The following COL4A3 variants were observed in gnomAD, a reference collection of about 807,000 sequenced individuals.
COL4A3 encodes collagen type IV alpha 3 chain, also known as collagen alpha-3(IV) chain.
In COL4A3, 135 loss-of-function variants were observed where a neutral mutation model predicts 217.4. The observed-to-expected ratio is 0.62, with a 90% confidence interval of 0.54 to 0.72. The LOEUF is 0.72. Among genes scored for constraint, COL4A3 ranks in the 30% least tolerant of loss-of-function variants. The pLI is 0.00. For missense variants in COL4A3, 1,868 were observed against 2,119.9 expected (o/e 0.88, Z 2.33); for synonymous variants, 690 against 736.3 (o/e 0.94, Z 1.02).
chr2:227,270,693 G>GTTTT, intron 24 of COL4A3, 77 bp from the exon 25 acceptor site: 1 of 1,435,730 alleles, frequency 7.0e-7, no homozygotes, highest in African/African-American at 1.4e-5. Context: ...AAAAGTTCTT[G>GTTTT]TCCACACTGT....
At position 227,297,661 on chromosome 2, in the gene COL4A3, T is replaced by C; in HGVS notation, c.3566-13T>C. 1 of 1,601,294 alleles carries C rather than the reference T, an allele frequency of 6.2e-7. No homozygotes were observed. Among genetic ancestry groups the C allele is most frequent in the Non-Finnish European group, 8.5e-7 (1 of 1,174,902 alleles). ...GGGCATTAAAGAAACTTATTAAGCC[T>C]TCTTCTTTGCAGGAGCCAAAGGAGA... is the stretch of plus-strand genomic sequence containing the variant. On this transcript the variant is annotated splice_polypyrimidine_tract_variant and intron_variant, in intron 41 of 51. Coordinates refer to ENST00000396578, the MANE Select transcript of COL4A3 (RefSeq NM_000091.5).
chr2:227,210,483 A>G (rs1315159255), intron 1 of COL4A3, among the ~76,000 whole-genome samples: 3 of 151,314 alleles, frequency 2.0e-5, no homozygotes, highest in African/African-American at 4.9e-5. Flanking sequence ...CCAGCTACTC[A>G]GGAGGCTGAG....
At chr2:227,295,371 G>A in intron 41 of COL4A3, 55 bp downstream of exon 41, 2 of 1,459,898 alleles carry the variant, frequency 1.4e-6, no homozygotes, top group Non-Finnish European at 1.9e-6. Context: ...AGAGAAAGCA[G>A]TTGAATATGC....
At chr2:227,209,806 C>A (rs548693882) in intron 1 of COL4A3, among the ~76,000 whole-genome samples, 1 of 152,126 alleles carries the variant, frequency 6.6e-6, no homozygotes. Context: ...CGTGCCATTG[C>A]GCTCCAGCCT....
chr2:227,210,251 C>A (rs1445205080), intron 1 of COL4A3, among the ~76,000 whole-genome samples: 1 of 152,146 alleles, frequency 6.6e-6, no homozygotes, highest in South Asian at 2.1e-4. Flanking sequence ...TTATAAAGTA[C>A]AATCATCCAT....
rs566273629 is a variant in COL4A3, at chr2:227,172,867, G to A, written c.87+8054G>A. Among the ~76,000 whole-genome samples, 9 of 152,204 alleles carry A rather than the reference G, an allele frequency of 5.9e-5. 1 individual carries two copies. The highest frequency in any genetic ancestry group is 1.4e-4 in the African/African-American group (6 of 41,532). The stretch of plus-strand genomic sequence containing the variant: ...CTCCCAAAGGGCTGGGATTACAGGC[G>A]TGAGGCACAGTGCCTGGCCCGGTTT... On this transcript the variant is annotated intron_variant, in intron 1 of 51. Transcript: ENST00000396578.
At position 227,273,993 on chromosome 2, in the gene COL4A3, T is replaced by G. The variant is rs548052467; in HGVS notation, c.1927+876T>G. ...GACTCACACCTGTAATCTCAGCACT[T>G]TGGGAGGCCAAGGTGGGCAGATCAC... On this transcript the variant is annotated intron_variant, in intron 26 of 51. Coordinates refer to ENST00000396578, the MANE Select transcript of COL4A3 (RefSeq NM_000091.5). Among the ~76,000 whole-genome samples, 4 of 152,166 alleles carry G rather than the reference T, an allele frequency of 2.6e-5. No individual in the cohort carries two copies. In the East Asian group the frequency reaches 7.7e-4, roughly 29 times the overall value.
intron 47 of COL4A3, chr2:227,305,785 G>C (rs1026713445): frequency 1.3e-5 from 2 of 152,118 alleles, no homozygotes; most frequent in African/African-American, 2.4e-5. Context: ...TTGATACCTG[G>C]ATCAACATCT....
chr2:227,246,787 C>T (rs1170713670), intron 7 of COL4A3, 49 bp downstream of exon 7: 8 of 1,469,860 alleles, frequency 5.4e-6, no homozygotes, highest in Non-Finnish European at 7.6e-6. Flanking sequence ...GTATAAATAA[C>T]AGTGGTCTAC....
At chr2:227,302,860 G>C (rs1030317080) in intron 43 of COL4A3, among the ~76,000 whole-genome samples, 178 bp from the exon 44 acceptor site, 2 of 152,038 alleles carry the variant, frequency 1.3e-5, no homozygotes, top group African/African-American at 4.8e-5. Context: ...CCTAAGGAAA[G>C]GTTCTAAGTG....
intron 34 of COL4A3, among the ~76,000 whole-genome samples, chr2:227,288,636 C>T (rs1001790422): frequency 2.0e-5 from 3 of 152,120 alleles, no homozygotes; most frequent in Non-Finnish European, 4.4e-5. Context: ...TAGTGGATAA[C>T]ACTTTGTCTT....
At chr2:227,283,716 T>A (rs2072131471) in intron 32 of COL4A3, 51 bp from the exon 33 acceptor site, 1 of 1,518,968 alleles carries the variant, frequency 6.6e-7, no homozygotes, top group African/African-American at 1.4e-5. Context: ...AATATTTTGC[T>A]TTTCTCACTC....
Position 227,293,180 on chromosome 2 carries a change from C to G in COL4A3, c.3211-11C>G. The G allele has an allele frequency of 2.5e-6, 4 of 1,613,692 alleles. No homozygotes were observed. The highest frequency in any genetic ancestry group is 3.4e-6 in the Non-Finnish European group (4 of 1,179,968). ...ATATGAGAATTTTAAAGGTATTTGA[C>G]TACATTTAAGGGGGATCCAGGACTG... On this transcript the variant is annotated splice_polypyrimidine_tract_variant and intron_variant, in intron 37 of 51. Transcript: ENST00000396578.
rs558894433 is a variant in COL4A3 at position 227,244,393 on chromosome 2, C to T, written c.279+29C>T. On this transcript the variant is annotated intron_variant, in intron 4 of 51. Transcript: ENST00000396578. ...AGTAGTCCAACCAGTCCACCCTGAT[C>T]GTTAAAAGATCAGCTTTTCACAGTA... 8 of 1,604,446 alleles carry T rather than the reference C, an allele frequency of 5.0e-6. No homozygotes were observed. The East Asian group carries it at 8.9e-5, about 18-fold the overall frequency.
intron 1 of COL4A3, among the ~76,000 whole-genome samples, chr2:227,181,403 C>A (rs1236722128): frequency 6.6e-6 from 1 of 152,114 alleles, no homozygotes; most frequent in Non-Finnish European, 1.5e-5. Flanking sequence ...GAGGATGAAT[C>A]CTTGTGAAGT....
In COL4A3 at chr2:227,164,674, C is replaced by T; in HGVS notation, c.-53C>T. On this transcript the variant is annotated 5_prime_UTR_variant, in exon 1 of 52. Coordinates refer to ENST00000396578, the MANE Select transcript of COL4A3 (RefSeq NM_000091.5). This position sits in a 1 kb window ranked among gnomAD's most constrained non-coding sequence, Gnocchi z 4.8. ...CCGCGCTGCGCAGGAGACGCGGTGG[C>T]CTGAGAGCCTGAGGGTCCCCGGACT... The T allele has an allele frequency of 6.5e-7, 1 of 1,529,154 alleles. No homozygotes were observed. The highest frequency in any genetic ancestry group is 8.7e-7 in the Non-Finnish European group (1 of 1,144,128). 94.7% of individuals were successfully genotyped at this position (1,529,154 alleles called of 1,614,324 possible).
intron 1 of COL4A3, among the ~76,000 whole-genome samples, chr2:227,170,359 G>A (rs2065431918): frequency 3.3e-5 from 5 of 151,846 alleles, no homozygotes; most frequent in Admixed American, 3.3e-4. Flanking sequence ...TACTGATAAT[G>A]ACATACCCAA....
intron 1 of COL4A3, among the ~76,000 whole-genome samples, chr2:227,217,594 T>C (rs888630814): frequency 6.6e-6 from 1 of 152,172 alleles, no homozygotes; most frequent in Admixed American, 6.5e-5. Flanking sequence ...ACCATCACTA[T>C]AGGATGGTGG....
chr2:227,167,351 T>A (rs1399464612), intron 1 of COL4A3, among the ~76,000 whole-genome samples: 1 of 152,222 alleles, frequency 6.6e-6, no homozygotes, highest in Non-Finnish European at 1.5e-5. Flanking sequence ...GAGAATTAAA[T>A]ACCTCTGCTA....
Sources: allele counts gnomAD v4.1 joint callset (sites outside exome capture counted in the v4.1 genomes callset), GRCh38; gene constraint gnomAD v4.1.1; non-coding constraint Gnocchi (gnomAD v3.1); transcripts MANE v1.5; gene names NCBI Gene and HGNC (gene_info 2026-07-23, HGNC 2026-07-21).